Variants in UBE2E2 observed in about 807,000 individuals in gnomAD.
UBE2E2 encodes the protein ubiquitin conjugating enzyme E2 E2, also known as ubiquitin-conjugating enzyme E2 E2.
In UBE2E2, 6 loss-of-function variants were observed where a neutral mutation model predicts 24.7. The ratio of observed to expected loss-of-function variants is 0.24; its 90% CI spans 0.13 to 0.48. UBE2E2 has a LOEUF of 0.48. Among genes scored for constraint, UBE2E2 ranks in the 20% least tolerant of loss-of-function variants. The pLI, the probability that UBE2E2 is intolerant of heterozygous loss-of-function variation, is 0.99. For synonymous variants in UBE2E2, 104 were observed against 83.6 expected (o/e 1.24, Z -1.33); for missense variants, 169 against 245.0 (o/e 0.69, Z 2.07).
intron 5 of UBE2E2, among the ~76,000 whole-genome samples, chr3:23,571,365 C>CTGCAACCT (rs1266962551): frequency 3.6e-5 from 5 of 140,276 alleles, no homozygotes; most frequent in Non-Finnish European, 6.1e-5. Context: ...TCTCAGCTCA[C>CTGCAACCT]TGCAACCTCC....
chr3:23,582,621 A>G (rs1236476794), intron 5 of UBE2E2, among the ~76,000 whole-genome samples: 1 of 152,028 alleles, frequency 6.6e-6, no homozygotes, highest in African/African-American at 2.4e-5. Flanking sequence ...ATGATATCTC[A>G]TTTTGGTTTT....
In UBE2E2 at chr3:23,447,784, A is replaced by C. The variant is rs867088607; in HGVS notation, c.228-51824A>C. ...GTGTGATAAGAAATCACTATATTAC[A>C]GCCTAATTTAGTGAGCTTTTCTCAG... is the stretch of plus-strand genomic sequence containing the variant. On this transcript the variant is annotated intron_variant, in intron 3 of 5. Coordinates refer to ENST00000396703, the MANE Select transcript of UBE2E2 (RefSeq NM_152653.4). Among the ~76,000 whole-genome samples, 5 of 152,304 alleles carry C rather than the reference A, an allele frequency of 3.3e-5. No homozygotes were observed. The South Asian group carries it at 1.0e-3, about 32-fold the overall frequency.
intron 3 of UBE2E2, among the ~76,000 whole-genome samples, chr3:23,478,927 A>G (rs527720962): frequency 1.3e-5 from 2 of 151,678 alleles, no homozygotes; most frequent in Admixed American, 1.3e-4. Flanking sequence ...GCATGGTGGC[A>G]CATGCCTGTG....
chr3:23,529,061 A>G (rs151106463), intron 4 of UBE2E2, among the ~76,000 whole-genome samples: 322 of 152,320 alleles, frequency 2.1e-3, no homozygotes, highest in Middle Eastern at 0.01. Flanking sequence ...GTTACCTACT[A>G]TACGATTCCA....
intron 3 of UBE2E2, among the ~76,000 whole-genome samples, chr3:23,363,736 A>G (rs1386405718): frequency 2.0e-5 from 3 of 152,184 alleles, no homozygotes; most frequent in Non-Finnish European, 4.4e-5. Flanking sequence ...TTAGAAGATC[A>G]TGGGGCAGAA....
chr3:23,312,834 A>C (rs1410366249), intron 3 of UBE2E2, among the ~76,000 whole-genome samples: 5 of 152,120 alleles, frequency 3.3e-5, no homozygotes. Context: ...TTTTCTTCTT[A>C]ATTTCTTCAT....
In UBE2E2 at chr3:23,298,593, T is replaced by C. The variant is rs539280976; in HGVS notation, c.227+81281T>C. Among the ~76,000 whole-genome samples, 10 of 152,096 alleles carry C rather than the reference T, an allele frequency of 6.6e-5. No individual in the cohort carries two copies. The East Asian group carries it at 1.5e-3, about 23-fold the overall frequency. On this transcript the variant is annotated intron_variant, in intron 3 of 5. Transcript: ENST00000396703. ...CTGTTTATATGCTGGATTACGTTTATTGATTTGCATATATTGAACCAGCCT... is the reference window on the plus strand; with the variant it reads ...CTGTTTATATGCTGGATTACGTTTACTGATTTGCATATATTGAACCAGCCT...
In UBE2E2 at chr3:23,590,230, T is replaced by C. The variant is rs1249157394; in HGVS notation, c.*399T>C. On this transcript the variant is annotated 3_prime_UTR_variant, in exon 6 of 6. Transcript: ENST00000396703. The stretch of plus-strand genomic sequence containing the variant: ...TATTTGATTTTGATTTTTTTTTCTT[T>C]TATGTGATCTTTGGGAAAACACATT... 6.2e-6 allele frequency: 1 copy of C among 162,130 alleles called. No individual in the cohort carries two copies. The highest frequency in any genetic ancestry group is 1.3e-5 in the Non-Finnish European group (1 of 74,358). 10.0% of individuals were successfully genotyped at this position (162,130 alleles called of 1,614,324 possible). A position where few individuals can be genotyped will look rare whatever the true frequency, so the allele number is the denominator to read the frequency against.
chr3:23,241,580 T>C (rs1488179152), intron 3 of UBE2E2, among the ~76,000 whole-genome samples: 4 of 152,050 alleles, frequency 2.6e-5, no homozygotes, highest in African/African-American at 9.7e-5. Context: ...CACTGGCTAT[T>C]TCCTCAAATG....
At chr3:23,510,775 T>C (rs1339383325) in intron 4 of UBE2E2, among the ~76,000 whole-genome samples, 1 of 152,186 alleles carries the variant, frequency 6.6e-6, no homozygotes, top group East Asian at 1.9e-4. Context: ...GTTGCTTTTT[T>C]AAATACCTGT....
At chr3:23,349,927 C>T (rs1695685463) in intron 3 of UBE2E2, among the ~76,000 whole-genome samples, 1 of 152,222 alleles carries the variant, frequency 6.6e-6, no homozygotes, top group African/African-American at 2.4e-5. Context: ...GGGCAGACTG[C>T]CTCCTCAAGT....
intron 3 of UBE2E2, among the ~76,000 whole-genome samples, chr3:23,489,003 GT>G: frequency 6.6e-6 from 1 of 152,152 alleles, no homozygotes; most frequent in Non-Finnish European, 1.5e-5. Flanking sequence ...AAGCAGGGTA[GT>G]TTATCATAAT....
At chr3:23,268,721 C>T (rs1575519298) in intron 3 of UBE2E2, among the ~76,000 whole-genome samples, 3 of 149,186 alleles carry the variant, frequency 2.0e-5, no homozygotes, top group Non-Finnish European at 4.4e-5. Flanking sequence ...TCATATGGAA[C>T]CAAAAAAGAG....
chr3:23,399,838 T>C (rs996504817), intron 3 of UBE2E2, among the ~76,000 whole-genome samples: 4 of 152,218 alleles, frequency 2.6e-5, no homozygotes, highest in African/African-American at 9.6e-5. Flanking sequence ...CACATTAATA[T>C]ATTGCTAGTG....
chr3:23,560,731 G>A (rs537413400), intron 5 of UBE2E2, among the ~76,000 whole-genome samples: 1 of 152,102 alleles, frequency 6.6e-6, no homozygotes, highest in South Asian at 2.1e-4. Context: ...AGCATCTGTT[G>A]TTTCCTGACT....
intron 5 of UBE2E2, among the ~76,000 whole-genome samples, chr3:23,571,288 T>TTC (rs1447592176): frequency 1.1e-5 from 1 of 89,802 alleles, no homozygotes; most frequent in East Asian, 3.1e-4. Flanking sequence ...TTCTTTTTTT[T>TTC]TTTTTTTTTT....
At chr3:23,362,922 A>G (rs1035566031) in intron 3 of UBE2E2, among the ~76,000 whole-genome samples, 2 of 57,034 alleles carry the variant, frequency 3.5e-5, no homozygotes, top group African/African-American at 1.7e-4. Context: ...AGGGAACCCC[A>G]TCAGGCTAAC....
At chr3:23,378,658 C>T (rs9821419) in intron 3 of UBE2E2, among the ~76,000 whole-genome samples, 82,655 of 152,010 alleles carry the variant, frequency 0.54, 22,685 homozygotes, top group Admixed American at 0.65. Context: ...GAATTGGCTT[C>T]TGTTTTTGAA....
At chr3:23,421,006 A>G (rs954319623) in intron 3 of UBE2E2, among the ~76,000 whole-genome samples, 3 of 152,242 alleles carry the variant, frequency 2.0e-5, no homozygotes, top group African/African-American at 4.8e-5. Flanking sequence ...AACGAAAGTT[A>G]TAGGAGGGAA....
Sources: allele counts gnomAD v4.1 joint callset (sites outside exome capture counted in the v4.1 genomes callset), GRCh38; gene constraint gnomAD v4.1.1; transcripts MANE v1.5; gene names NCBI Gene and HGNC (gene_info 2026-07-23, HGNC 2026-07-21).